Variants in CDH12 observed in about 807,000 individuals in gnomAD.
CDH12 encodes cadherin 12.
A neutral mutation model predicts 74.1 loss-of-function variants in CDH12; 41 were observed. The ratio of observed to expected loss-of-function variants is 0.55; its 90% CI spans 0.43 to 0.72. The LOEUF (loss-of-function observed/expected upper bound fraction) is 0.72. CDH12 is among the 30% of genes least tolerant of loss of function. CDH12 has a pLI of 0.00. For synonymous variants in CDH12, 399 were observed against 355.0 expected (o/e 1.12, Z -1.39); for missense variants, 945 against 977.2 (o/e 0.97, Z 0.44).
At chr5:22,697,583 A>AG (rs1476073791) in intron 1 of CDH12, among the ~76,000 whole-genome samples, 1 of 151,674 alleles carries the variant, frequency 6.6e-6, no homozygotes, top group African/African-American at 2.4e-5. Context: ...AAAAAAAAAA[A>AG]AAAAAAGAAA....
At chr5:22,605,011 T>C (rs1045900540) in intron 1 of CDH12, among the ~76,000 whole-genome samples, 1 of 152,162 alleles carries the variant, frequency 6.6e-6, no homozygotes. Context: ...GTTAATTTTA[T>C]GTATCAACTT....
At chr5:22,794,555 T>C (rs1020056876) in intron 1 of CDH12, among the ~76,000 whole-genome samples, 1 of 152,124 alleles carries the variant, frequency 6.6e-6, no homozygotes, top group Non-Finnish European at 1.5e-5. Context: ...GCAAGGCCAG[T>C]CAGATTATCT....
At chr5:21,808,832 T>C (rs1218892753) in intron 9 of CDH12, among the ~76,000 whole-genome samples, 1 of 152,098 alleles carries the variant, frequency 6.6e-6, no homozygotes, top group Non-Finnish European at 1.5e-5. Context: ...AAAGCTGTAT[T>C]TGATGAACAA....
chr5:22,292,245 C>A (rs1035692401), intron 3 of CDH12, among the ~76,000 whole-genome samples: 2 of 151,700 alleles, frequency 1.3e-5, no homozygotes, highest in African/African-American at 4.8e-5. Context: ...ACTATGAAAC[C>A]ACTAGAAGAA....
intron 1 of CDH12, among the ~76,000 whole-genome samples, chr5:22,542,087 G>T (rs2126720361): frequency 6.6e-6 from 1 of 152,220 alleles, no homozygotes; most frequent in African/African-American, 2.4e-5. Flanking sequence ...CTATAGCATT[G>T]CTTTTAAAAG....
chr5:22,272,195 G>T (rs77598017), intron 3 of CDH12, among the ~76,000 whole-genome samples: 3 of 152,170 alleles, frequency 2.0e-5, no homozygotes, highest in Non-Finnish European at 2.9e-5. Flanking sequence ...ATCAGCACTT[G>T]CTGCTTCACC....
chr5:22,546,874 C>T (rs1405457998), intron 1 of CDH12, among the ~76,000 whole-genome samples: 7 of 152,086 alleles, frequency 4.6e-5, no homozygotes, highest in Non-Finnish European at 1.0e-4. Context: ...AAAAGCCAAG[C>T]CTACTTATCT....
intron 3 of CDH12, among the ~76,000 whole-genome samples, chr5:22,256,053 G>A (rs1753304207): frequency 6.6e-6 from 1 of 151,946 alleles, no homozygotes; most frequent in Non-Finnish European, 1.5e-5. Context: ...TTGTATTATT[G>A]CATCAACATA....
chr5:21,826,685 A>G (rs1748691720), intron 8 of CDH12, among the ~76,000 whole-genome samples: 1 of 152,208 alleles, frequency 6.6e-6, no homozygotes, highest in African/African-American at 2.4e-5. Flanking sequence ...CATGTGTGTC[A>G]ACATGAAGGA....
chr5:21,851,611 T>C (rs1303755707), intron 7 of CDH12, among the ~76,000 whole-genome samples: 1 of 151,296 alleles, frequency 6.6e-6, no homozygotes, highest in Non-Finnish European at 1.5e-5. Flanking sequence ...CTAAAGCATA[T>C]AAATGAATGC....
At chr5:22,295,713 A>G (rs2150416147) in intron 3 of CDH12, among the ~76,000 whole-genome samples, 1 of 152,286 alleles carries the variant, frequency 6.6e-6, no homozygotes, top group African/African-American at 2.4e-5. Context: ...ACTAAACACT[A>G]ATGACTAATC....
At chr5:21,939,884 A>G (rs1755253299) in intron 6 of CDH12, among the ~76,000 whole-genome samples, 1 of 152,074 alleles carries the variant, frequency 6.6e-6, no homozygotes, top group Non-Finnish European at 1.5e-5. Context: ...AAAGATATTC[A>G]AAAAGTGGTT....
At chr5:22,470,272 G>A (rs567235896) in intron 2 of CDH12, among the ~76,000 whole-genome samples, 7 of 152,204 alleles carry the variant, frequency 4.6e-5, no homozygotes, top group Admixed American at 2.6e-4. Context: ...CTTAAAAGAA[G>A]AATGGATTAT....
At chr5:22,460,117 A>C (rs114435501) in intron 2 of CDH12, among the ~76,000 whole-genome samples, 47 of 152,352 alleles carry the variant, frequency 3.1e-4, no homozygotes, top group Non-Finnish European at 5.7e-4. Context: ...AGAAAATATA[A>C]GCAGCTAGAA....
At chr5:22,029,643 G>A (rs1191867838) in intron 5 of CDH12, among the ~76,000 whole-genome samples, 11 of 152,176 alleles carry the variant, frequency 7.2e-5, no homozygotes, top group African/African-American at 2.4e-4. Flanking sequence ...GGAGAAATTG[G>A]AACACTTTTA....
intron 3 of CDH12, among the ~76,000 whole-genome samples, chr5:22,299,251 G>A (rs2150418525): frequency 6.6e-6 from 1 of 152,224 alleles, no homozygotes; most frequent in African/African-American, 2.4e-5. Context: ...GAGAGATGGG[G>A]TGGGGTTGGA....
At chr5:21,815,572 C>T (rs866936172) in intron 9 of CDH12, among the ~76,000 whole-genome samples, 13 of 152,328 alleles carry the variant, frequency 8.5e-5, no homozygotes, top group African/African-American at 2.9e-4. Flanking sequence ...CAGCAATCCT[C>T]TTTGGCTCTA....
At chr5:22,733,386 A>T (rs1290188414) in intron 1 of CDH12, among the ~76,000 whole-genome samples, 1 of 151,758 alleles carries the variant, frequency 6.6e-6, no homozygotes. Context: ...AAAAATATGC[A>T]TTTATATGAA....
In CDH12 at chr5:22,546,203, C is replaced by A. The variant is rs1051515876; in HGVS notation, c.-522-40839G>T. 7.2e-5 allele frequency among the ~76,000 whole-genome samples: 11 copies of A among 152,250 alleles called. No homozygotes were observed. In the East Asian group the frequency reaches 2.1e-3, roughly 29 times the overall value. On this transcript the variant is annotated intron_variant, in intron 1 of 14. Transcript: ENST00000382254. ...TCATGATCCACCTGCCTCGGCCTCC[C>A]AAAGTGCTGGGATTACAGGCATGAG...
Sources: gnomAD v4.1 joint callset for allele counts (sites outside exome capture counted in the v4.1 genomes callset) on GRCh38, gnomAD v4.1.1 for gene constraint, MANE v1.5 for transcripts, NCBI Gene and HGNC (gene_info 2026-07-23, HGNC 2026-07-21) for gene names.